The following ARHGEF37 variants were observed in gnomAD, a reference collection of about 807,000 sequenced individuals.
ARHGEF37 encodes the protein Rho guanine nucleotide exchange factor (GEF) 37.
In ARHGEF37, 55 loss-of-function variants were observed where a neutral mutation model predicts 71.1. That is an observed-to-expected ratio of 0.77 (90% CI 0.62 to 0.97). ARHGEF37 has a LOEUF of 0.97. Ranked by LOEUF, ARHGEF37 falls within the 50% of genes least tolerant of loss-of-function variation. The probability of loss-of-function intolerance (pLI) is 0.00; values close to 1 mark genes in which losing one functional copy is unlikely to be tolerated. For missense variants in ARHGEF37, 765 were observed against 836.8 expected (o/e 0.91, Z 1.06); for synonymous variants, 327 against 350.6 (o/e 0.93, Z 0.75).
In ARHGEF37 at chr5:149,632,345, C is replaced by T. The variant is rs545896532; in HGVS notation, c.*154C>T. The T allele has an allele frequency of 3.7e-4, 301 of 808,232 alleles. 4 individuals carry two copies. The South Asian group carries it at 4.7e-3, about 13-fold the overall frequency. 50.1% of individuals were successfully genotyped at this position (808,232 alleles called of 1,614,324 possible). A position where few individuals can be genotyped will look rare whatever the true frequency, so the allele number is the denominator to read the frequency against. ...TCAGGAGGCAGCCAGAAGACATGGG[C>T]GGGCCTCGCAGAGTGCTTGGTGTGG... On this transcript the variant is annotated 3_prime_UTR_variant, in exon 13 of 13. Coordinates refer to ENST00000333677, the MANE Select transcript of ARHGEF37 (RefSeq NM_001001669.3).
chr5:149,597,678 G>A (rs1206946469), intron 1 of ARHGEF37, 81 bp from the exon 2 acceptor site: 56 of 1,302,498 alleles, frequency 4.3e-5, no homozygotes, highest in Non-Finnish European at 4.1e-6. Flanking sequence ...GCCTCTTGAT[G>A]AGTAATTGTC....
At chr5:149,598,767 T>TAGATAG (rs1763660066) in intron 2 of ARHGEF37, among the ~76,000 whole-genome samples, 1 of 83,560 alleles carries the variant, frequency 1.2e-5, no homozygotes, top group Admixed American at 1.9e-4. Flanking sequence ...TAGATATAGA[T>TAGATAG]ATAGATATAG....
At chr5:149,610,340 G>A (rs1239938609) in intron 4 of ARHGEF37, among the ~76,000 whole-genome samples, 2 of 152,228 alleles carry the variant, frequency 1.3e-5, no homozygotes, top group Non-Finnish European at 2.9e-5. Flanking sequence ...AGTATCACCA[G>A]TCCGTGGTGG....
intron 1 of ARHGEF37, among the ~76,000 whole-genome samples, chr5:149,553,935 A>G (rs2113223712): frequency 1.3e-5 from 2 of 152,338 alleles, no homozygotes; most frequent in East Asian, 3.9e-4. Flanking sequence ...TGGGAGGCCA[A>G]GGAAGGGCAA....
intron 3 of ARHGEF37, among the ~76,000 whole-genome samples, chr5:149,608,847 G>A (rs557899190): frequency 1.3e-5 from 2 of 152,072 alleles, no homozygotes; most frequent in Non-Finnish European, 2.9e-5. Flanking sequence ...TTTGTAAATT[G>A]GGGATTTGTT....
intron 5 of ARHGEF37, among the ~76,000 whole-genome samples, chr5:149,617,106 C>A (rs1235586964): frequency 3.3e-5 from 5 of 152,208 alleles, no homozygotes; most frequent in African/African-American, 1.2e-4. Context: ...GTCAAAGTTT[C>A]TCTTTGATAG....
rs140568405 is a variant in ARHGEF37, at chr5:149,631,789, C to A, written c.1819-193C>A. The stretch of plus-strand genomic sequence containing the variant: ...AGTAGAGTGCTAGGACAGTGCCAGT[C>A]ACATAGTATGGGCTGTGGTACTAGC... On this transcript the variant is annotated intron_variant, in intron 12 of 12. Transcript: ENST00000333677. 3.1e-3 allele frequency among the ~76,000 whole-genome samples: 467 copies of A among 152,340 alleles called. 3 individuals carry two copies. The highest frequency in any genetic ancestry group is 0.011 in the African/African-American group (441 of 41,594).
Position 149,601,103 on chromosome 5 carries a change from T to C in ARHGEF37, c.187-5T>C. 1 of 1,609,452 alleles carries C rather than the reference T, an allele frequency of 6.2e-7. No homozygotes were observed. The highest frequency in any genetic ancestry group is 8.5e-7 in the Non-Finnish European group (1 of 1,176,360). On this transcript the variant is annotated splice_region_variant and splice_polypyrimidine_tract_variant and intron_variant, in intron 2 of 12. Transcript: ENST00000333677. ...CACCTCTCATGGCTTCTTTGTTCCTTCCAGTTGCCGCAGGGAGATCTGGAT... is the reference window on the plus strand; with the variant it reads ...CACCTCTCATGGCTTCTTTGTTCCTCCCAGTTGCCGCAGGGAGATCTGGAT...
intron 3 of ARHGEF37, 68 bp downstream of exon 3, chr5:149,601,299 T>C (rs1763749048): frequency 6.5e-7 from 1 of 1,532,372 alleles, no homozygotes; most frequent in South Asian, 1.2e-5. Context: ...GAGTGGTCAC[T>C]GCTTAACTGT....
chr5:149,605,227 AAAAAAAAAAAAAAAG>A (rs1287542077), intron 3 of ARHGEF37, among the ~76,000 whole-genome samples: 323 of 22,292 alleles, frequency 0.014, no homozygotes, highest in African/African-American at 0.033. Context: ...ACTGCATCTC[AAAAAAAAAAAAAAAG>A]AAAAGAAAAA....
At chr5:149,576,904 C>T (rs1763034244), upstream of ARHGEF37, among the ~76,000 whole-genome samples, 1 of 151,878 alleles carries the variant, frequency 6.6e-6, no homozygotes, top group African/African-American at 2.4e-5. Flanking sequence ...TGCAGTGAGC[C>T]GAGATCGTGC....
intron 1 of ARHGEF37, among the ~76,000 whole-genome samples, chr5:149,573,645 T>TAGCTCAATGAGACAGG (rs905479067): frequency 6.6e-6 from 1 of 152,182 alleles, no homozygotes; most frequent in Non-Finnish European, 1.5e-5. Context: ...ACTAGAACAT[T>TAGCTCAATGAGACAGG]AGCTCAATGA....
chr5:149,632,026 GAGCCTGCAGGCAGGCC>G lies in ARHGEF37; in HGVS notation c.1870_1885del (p.Gln624Ter), dbSNP rs763460546. 4 of 1,614,138 alleles carry G rather than the reference GAGCCTGCAGGCAGGCC, an allele frequency of 2.5e-6. No individual in the cohort carries two copies. In the South Asian group the frequency reaches 4.4e-5, roughly 18 times the overall value. On this transcript the variant is annotated frameshift_variant, in exon 13 of 13. Transcript: ENST00000333677. LOFTEE classifies it high-confidence loss of function. ...TTGTGGCCAGAAGCAGCCATGAAGT[GAGCCTGCAGGCAGGCC>G]AGCCTGTGACCATCCTGGAGGCCCA... is the stretch of plus-strand genomic sequence containing the variant.
rs1286636796 is a variant in ARHGEF37 at position 149,601,246 on chromosome 5, T to A, written c.310+15T>A. 1 of 1,606,846 alleles carries A rather than the reference T, an allele frequency of 6.2e-7. No homozygotes were observed. Among genetic ancestry groups the A allele is most frequent in the East Asian group, 2.2e-5 (1 of 44,650 alleles). On this transcript the variant is annotated intron_variant, in intron 3 of 12. Coordinates refer to ENST00000333677, the MANE Select transcript of ARHGEF37 (RefSeq NM_001001669.3). Reference sequence around the variant, plus strand: ...GCAGCTAGTTGGTAAGCAAAAAACCTAAGGAGTTGTCAGCCTTAGATTCTC... The same window carrying A: ...GCAGCTAGTTGGTAAGCAAAAAACCAAAGGAGTTGTCAGCCTTAGATTCTC...
chr5:149,581,065 C>G (rs1763095179), upstream of ARHGEF37, among the ~76,000 whole-genome samples: 1 of 152,178 alleles, frequency 6.6e-6, no homozygotes, highest in South Asian at 2.1e-4. Flanking sequence ...TGCAGGGCTC[C>G]CAGGAGAGCT....
rs145393178 is a variant in ARHGEF37 at position 149,571,774 on chromosome 5, G to A, written c.-12+19651G>A. On this transcript the variant is annotated intron_variant, in intron 1 of 2. Coordinates refer to the ARHGEF37 transcript ENST00000505810. ...TGTCTTTACAAAAAATAAAAAGTTA[G>A]CTGGGTATGGTGGTGCATGCTACTT... Among the ~76,000 whole-genome samples the A allele has an allele frequency of 2.0e-4, 30 of 151,916 alleles. No homozygotes were observed. In the East Asian group the frequency reaches 3.5e-3, roughly 18 times the overall value.
intron 9 of ARHGEF37, among the ~76,000 whole-genome samples, 166 bp from the exon 10 acceptor site, chr5:149,623,846 C>A (rs1752605907): frequency 6.6e-6 from 1 of 152,304 alleles, no homozygotes; most frequent in South Asian, 2.1e-4. Flanking sequence ...TCACTCACTC[C>A]TAGGTTGTCT....
chr5:149,577,782 T>C (rs1056364758), upstream of ARHGEF37, among the ~76,000 whole-genome samples: 12 of 152,266 alleles, frequency 7.9e-5, no homozygotes, highest in Non-Finnish European at 1.6e-4. Flanking sequence ...GTTACCATTA[T>C]ACATTTGGGA....
At chr5:149,618,580 GCTACTTC>G (rs1752444271) in intron 6 of ARHGEF37, among the ~76,000 whole-genome samples, 2 of 152,232 alleles carry the variant, frequency 1.3e-5, no homozygotes, top group Admixed American at 6.5e-5. Context: ...GCCCTAAATA[GCTACTTC>G]TAGCAGCACA....
Sources: gnomAD v4.1 joint callset for allele counts (sites outside exome capture counted in the v4.1 genomes callset) on GRCh38, gnomAD v4.1.1 for gene constraint, MANE v1.5 for transcripts, NCBI Gene and HGNC (gene_info 2026-07-23, HGNC 2026-07-21) for gene names.